The following SLC26A7 variants were observed in gnomAD, a reference collection of about 807,000 sequenced individuals.
SLC26A7 encodes the protein anion exchange transporter.
A neutral mutation model predicts 82.5 loss-of-function variants in SLC26A7; 59 were observed. The ratio of observed to expected loss-of-function variants is 0.72; its 90% CI spans 0.58 to 0.89. The LOEUF (loss-of-function observed/expected upper bound fraction) is 0.89. Among genes scored for constraint, SLC26A7 ranks in the 40% least tolerant of loss-of-function variants. SLC26A7 has a pLI of 0.00. For missense variants in SLC26A7, 820 were observed against 793.0 expected (o/e 1.03, Z -0.41); for synonymous variants, 271 against 274.3 (o/e 0.99, Z 0.12).
chr8:91,301,023 C>T lies in SLC26A7; in HGVS notation c.477+5320C>T, dbSNP rs563876526. Among the ~76,000 whole-genome samples the T allele has an allele frequency of 8.0e-4, 122 of 152,290 alleles. 1 individual carries two copies. Among genetic ancestry groups the T allele is most frequent in the Non-Finnish European group, 6.6e-4 (45 of 68,026 alleles). ...TAATCTTACTTTTATTCTCTCAAAA[C>T]TATCATTTATTATGTTAATAGATTC... On this transcript the variant is annotated intron_variant, in intron 4 of 18. Coordinates refer to ENST00000276609, the MANE Select transcript of SLC26A7 (RefSeq NM_052832.4).
intron 15 of SLC26A7, among the ~76,000 whole-genome samples, chr8:91,376,271 C>G (rs1294919663): frequency 6.6e-6 from 1 of 152,160 alleles, no homozygotes; most frequent in African/African-American, 2.4e-5. Context: ...TAGCTTGATC[C>G]TTTGGAGGTG....
chr8:91,240,390 G>A (rs565432161), intron 2 of SLC26A7, among the ~76,000 whole-genome samples: 96 of 152,244 alleles, frequency 6.3e-4, no homozygotes, highest in Non-Finnish European at 8.5e-4. Context: ...TGGGGAGAAT[G>A]AGAACTCTGG....
chr8:91,351,309 T>A (rs1423311081), intron 9 of SLC26A7, among the ~76,000 whole-genome samples: 4 of 152,106 alleles, frequency 2.6e-5, no homozygotes, highest in African/African-American at 9.7e-5. Flanking sequence ...CCCATATAAC[T>A]ACTCCACAAC....
At chr8:91,308,853 C>G (rs1812398157) in intron 4 of SLC26A7, among the ~76,000 whole-genome samples, 2 of 152,194 alleles carry the variant, frequency 1.3e-5, no homozygotes, top group South Asian at 4.1e-4. Flanking sequence ...CTGTGTCTGT[C>G]TTTGACACCC....
intron 15 of SLC26A7, among the ~76,000 whole-genome samples, chr8:91,377,168 G>C (rs1814540871): frequency 6.6e-6 from 1 of 152,134 alleles, no homozygotes; most frequent in Admixed American, 6.5e-5. Context: ...GCCATGAAAA[G>C]CACTTTCTCC....
Position 91,327,531 on chromosome 8 carries a change from C to T in SLC26A7, c.643-6764C>T, listed in dbSNP as rs111865868. On this transcript the variant is annotated intron_variant, in intron 5 of 18. Coordinates refer to ENST00000276609, the MANE Select transcript of SLC26A7 (RefSeq NM_052832.4). Reference sequence around the variant, plus strand: ...GACACCTATCTATATGCTGATTATGCCAAATGCACTTTCAAACCAAAGTTT... The same window carrying T: ...GACACCTATCTATATGCTGATTATGTCAAATGCACTTTCAAACCAAAGTTT... Among the ~76,000 whole-genome samples the T allele has an allele frequency of 1.3e-3, 202 of 152,176 alleles. 2 individuals are homozygous for T. Among genetic ancestry groups the T allele is most frequent in the African/African-American group, 4.8e-3 (199 of 41,496 alleles).
chr8:91,303,364 A>C (rs1300508391), intron 4 of SLC26A7, among the ~76,000 whole-genome samples: 3 of 152,132 alleles, frequency 2.0e-5, no homozygotes, highest in Non-Finnish European at 4.4e-5. Flanking sequence ...TCCCTTGCCC[A>C]TTCACCTCTG....
chr8:91,213,955 C>G (rs1809986908), intron 1 of SLC26A7, among the ~76,000 whole-genome samples: 1 of 152,040 alleles, frequency 6.6e-6, no homozygotes, highest in South Asian at 2.1e-4. Context: ...GGGGTTTGAA[C>G]TTGATCTTGT....
intron 13 of SLC26A7, among the ~76,000 whole-genome samples, chr8:91,364,008 A>G (rs1176380992): frequency 6.6e-6 from 1 of 151,052 alleles, no homozygotes; most frequent in Non-Finnish European, 1.5e-5. Flanking sequence ...ATTCAGTCCA[A>G]TGGCTACAGA....
intron 5 of SLC26A7, among the ~76,000 whole-genome samples, chr8:91,327,180 G>T (rs1340128449): frequency 6.6e-6 from 1 of 152,128 alleles, no homozygotes; most frequent in African/African-American, 2.4e-5. Context: ...TGTATGGTGA[G>T]GAGGTTTTAT....
chr8:91,226,112 G>T (rs2098181019), intron 2 of SLC26A7, among the ~76,000 whole-genome samples: 3 of 152,192 alleles, frequency 2.0e-5, no homozygotes, highest in South Asian at 2.1e-4. Flanking sequence ...TTTATCAAAT[G>T]AATCTCTACT....
intron 2 of SLC26A7, among the ~76,000 whole-genome samples, chr8:91,284,255 C>A (rs1276523818): frequency 1.3e-5 from 2 of 152,170 alleles, no homozygotes; most frequent in Non-Finnish European, 2.9e-5. Context: ...GCACTGTGTT[C>A]TTATTCCCCA....
chr8:91,246,721 C>T (rs372408387), upstream of SLC26A7, among the ~76,000 whole-genome samples: 36 of 150,230 alleles, frequency 2.4e-4, no homozygotes, highest in Admixed American at 1.9e-3. Flanking sequence ...AAAAACAAAA[C>T]GGAAAAGTAA....
intron 5 of SLC26A7, among the ~76,000 whole-genome samples, chr8:91,320,067 T>C (rs996741244): frequency 2.6e-4 from 39 of 151,932 alleles, no homozygotes; most frequent in African/African-American, 9.4e-4. Context: ...TTTTTGGAGG[T>C]GTTTCTTTTT....
intron 15 of SLC26A7, among the ~76,000 whole-genome samples, chr8:91,382,253 C>G (rs1336555376): frequency 3.3e-5 from 5 of 152,018 alleles, no homozygotes; most frequent in Admixed American, 3.3e-4. Flanking sequence ...TAATGGTTTC[C>G]TTCTGAGGAT....
chr8:91,393,907 A>G, intron 17 of SLC26A7, 29 bp from the exon 18 acceptor site: 2 of 1,611,694 alleles, frequency 1.2e-6, no homozygotes, highest in South Asian at 2.2e-5. Flanking sequence ...TTCCACATGT[A>G]TTCTTATATC....
At chr8:91,306,904 C>T (rs1812324306) in intron 4 of SLC26A7, among the ~76,000 whole-genome samples, 1 of 151,216 alleles carries the variant, frequency 6.6e-6, no homozygotes. Flanking sequence ...ACTCATCTGA[C>T]AAAGGGCTAA....
intron 11 of SLC26A7, among the ~76,000 whole-genome samples, chr8:91,355,368 A>G (rs1813834412): frequency 6.6e-6 from 1 of 151,996 alleles, no homozygotes; most frequent in African/African-American, 2.4e-5. Context: ...ATATTTTTTC[A>G]AATCTGTGTT....
intron 4 of SLC26A7, among the ~76,000 whole-genome samples, chr8:91,313,815 T>C (rs563291628): frequency 6.6e-6 from 1 of 152,332 alleles, no homozygotes; most frequent in East Asian, 1.9e-4. Flanking sequence ...TTTGGTATAA[T>C]GTAAAAGCCA....
Sources: gnomAD v4.1 joint callset for allele counts (sites outside exome capture counted in the v4.1 genomes callset) on GRCh38, gnomAD v4.1.1 for gene constraint, MANE v1.5 for transcripts, NCBI Gene and HGNC (gene_info 2026-07-23, HGNC 2026-07-21) for gene names.